The following HMGB1 variants were observed in gnomAD, a reference collection of about 807,000 sequenced individuals.
HMGB1 encodes high mobility group box 1.
For missense variants in HMGB1, 79 were observed against 253.5 expected (o/e 0.31, Z 4.67); for synonymous variants, 81 against 84.0 (o/e 0.96, Z 0.19).
chr13:30,598,988 T>A (rs892789591), intron 1 of HMGB1, among the ~76,000 whole-genome samples: 17 of 152,146 alleles, frequency 1.1e-4, no homozygotes, highest in African/African-American at 3.9e-4. Flanking sequence ...ATATATAATT[T>A]TTTTAAAGGA....
chr13:30,538,495 T>TC (rs1566018748), intron 1 of HMGB1, among the ~76,000 whole-genome samples: 1 of 44,056 alleles, frequency 2.3e-5, no homozygotes, highest in African/African-American at 5.7e-5. Flanking sequence ...TCTTTCTTTC[T>TC]TTCTTTCTTT....
chr13:30,492,959 C>T (rs1034174150), intron 1 of HMGB1, among the ~76,000 whole-genome samples: 2 of 145,346 alleles, frequency 1.4e-5, no homozygotes, highest in African/African-American at 5.1e-5. Flanking sequence ...CCACTGCACT[C>T]CAGCCTGGCC....
intron 1 of HMGB1, among the ~76,000 whole-genome samples, chr13:30,497,383 C>T (rs1887632466): frequency 1.3e-5 from 2 of 151,818 alleles, no homozygotes; most frequent in African/African-American, 2.4e-5. Context: ...CCTGCCACTA[C>T]ACCCAGCTAA....
In HMGB1 at chr13:30,500,545, T is replaced by A. The variant is rs1405573527; in HGVS notation, c.-14-36851A>T. On this transcript the variant is annotated intron_variant, in intron 1 of 4. Transcript: ENST00000405805. The stretch of plus-strand genomic sequence containing the variant: ...CTCCCTCACCTGGCTAATTTTTTTT[T>A]TTTTTTTTTTTTTTGAGACAGAGTC... Among the ~76,000 whole-genome samples, 5 of 14,448 alleles carry A rather than the reference T, an allele frequency of 3.5e-4. No homozygotes were observed. In the Non-Finnish European group the frequency reaches 8.5e-3, roughly 25 times the overall value. 9.5% of individuals were successfully genotyped at this position (14,448 alleles called of 152,430 possible).
intron 1 of HMGB1, among the ~76,000 whole-genome samples, chr13:30,611,818 T>G (rs1015425587): frequency 6.6e-6 from 1 of 151,540 alleles, no homozygotes. Context: ...TCTGTACCCT[T>G]TAAAACATCC....
At position 30,552,403 on chromosome 13, in the gene HMGB1, T is replaced by G. The variant is rs907800751; in HGVS notation, c.-15+64268A>C. Among the ~76,000 whole-genome samples, 7 of 152,322 alleles carry G rather than the reference T, an allele frequency of 4.6e-5. No homozygotes were observed. The East Asian group carries it at 7.7e-4, about 17-fold the overall frequency. ...TAATATTGAAATACTAAAATTTAAT[T>G]TGAATATAGAGTTGATGCTCATATT... is the stretch of plus-strand genomic sequence containing the variant. On this transcript the variant is annotated intron_variant, in intron 1 of 4. Coordinates refer to the HMGB1 transcript ENST00000405805.
chr13:30,468,634 A>C (rs1886854025), upstream of HMGB1, among the ~76,000 whole-genome samples: 1 of 152,098 alleles, frequency 6.6e-6, no homozygotes, highest in South Asian at 2.1e-4. Flanking sequence ...ATTTATTCCC[A>C]AGTTTAACAG....
chr13:30,505,473 C>T (rs188243337), intron 1 of HMGB1, among the ~76,000 whole-genome samples: 26 of 152,130 alleles, frequency 1.7e-4, no homozygotes, highest in Admixed American at 3.3e-4. Context: ...CCACCGCGCC[C>T]AACCATTTTT....
At chr13:30,555,095 A>G (rs1286793309) in intron 1 of HMGB1, among the ~76,000 whole-genome samples, 13 of 121,430 alleles carry the variant, frequency 1.1e-4, no homozygotes, top group East Asian at 2.7e-4. Flanking sequence ...AGGCTGGAGT[A>G]CAGTGGCGCG....
At position 30,528,128 on chromosome 13, in the gene HMGB1, C is replaced by T. The variant is rs370435904; in HGVS notation, c.-14-64434G>A. On this transcript the variant is annotated intron_variant, in intron 1 of 4. Transcript: ENST00000405805. ...GAGCAGGGAACTCGGTGTGCTGCAG[C>T]GCCAGTGACCAGGCAACCCGTCTCC... Among the ~76,000 whole-genome samples the T allele has an allele frequency of 7.2e-5, 11 of 152,214 alleles. No homozygotes were observed. The East Asian group carries it at 1.2e-3, about 16-fold the overall frequency.
At chr13:30,554,299 G>A (rs554616242) in intron 1 of HMGB1, 12 of 1,121,898 alleles carry the variant, frequency 1.1e-5, no homozygotes, top group Non-Finnish European at 1.6e-5. Context: ...CTGACCATGG[G>A]CCTGCAGTGA....
chr13:30,524,954 G>A (rs915889479), intron 1 of HMGB1, among the ~76,000 whole-genome samples: 11 of 152,120 alleles, frequency 7.2e-5, no homozygotes, highest in African/African-American at 2.7e-4. Context: ...CAACAAATAA[G>A]TATTAAACAA....
chr13:30,578,368 C>CTTTTTTTT lies in HMGB1; in HGVS notation c.-15+38295_-15+38302dup, dbSNP rs60947686. On this transcript the variant is annotated intron_variant, in intron 1 of 4. Transcript: ENST00000405805. ...TCAAGATCAGAGACCAGTTCTTGTT[C>CTTTTTTTT]TTTTTTTTTTTTTTTTTTTTTTTTT... Among the ~76,000 whole-genome samples the CTTTTTTTT allele has an allele frequency of 4.6e-3, 274 of 59,334 alleles. 17 individuals are homozygous for CTTTTTTTT. Among genetic ancestry groups the CTTTTTTTT allele is most frequent in the East Asian group, 8.9e-3 (14 of 1,578 alleles). The allele number at this position is 59,334 out of a possible 152,430, so 38.9% of individuals were successfully genotyped here.
intron 1 of HMGB1, among the ~76,000 whole-genome samples, chr13:30,592,871 TAAA>T (rs376893348): frequency 2.3e-3 from 316 of 139,224 alleles, no homozygotes; most frequent in African/African-American, 7.5e-3. Flanking sequence ...TGCTTTTTTT[TAAA>T]AAAAAAAAAA....
chr13:30,613,009 T>C (rs1310558754), intron 1 of HMGB1, among the ~76,000 whole-genome samples: 1 of 152,208 alleles, frequency 6.6e-6, no homozygotes, highest in African/African-American at 2.4e-5. Context: ...TGAGAGGATG[T>C]AGGTTTTAGT....
At chr13:30,474,814 G>T in intron 1 of HMGB1, among the ~76,000 whole-genome samples, 1 of 143,514 alleles carries the variant, frequency 7.0e-6, no homozygotes. Context: ...AAGCTGGAGT[G>T]CAATGGTGCA....
At chr13:30,538,587 T>C (rs1418897200) in intron 1 of HMGB1, among the ~76,000 whole-genome samples, 3 of 146,114 alleles carry the variant, frequency 2.1e-5, no homozygotes, top group Admixed American at 6.8e-5. Flanking sequence ...TTTCTTTCTT[T>C]TTCTTTCTTC....
intron 1 of HMGB1, among the ~76,000 whole-genome samples, chr13:30,610,099 C>T (rs1161722390): frequency 2.0e-5 from 3 of 151,796 alleles, no homozygotes; most frequent in Non-Finnish European, 4.4e-5. Context: ...TTCTTAGTAA[C>T]TTTTTTTCTC....
At chr13:30,555,067 GTC>G (rs1300300652) in intron 1 of HMGB1, among the ~76,000 whole-genome samples, 2 of 135,186 alleles carry the variant, frequency 1.5e-5, no homozygotes, top group African/African-American at 5.8e-5. Flanking sequence ...TTGAGACGGA[GTC>G]TCTGCTCTGT....
Sources: allele counts gnomAD v4.1 joint callset (sites outside exome capture counted in the v4.1 genomes callset), GRCh38; gene constraint gnomAD v4.1.1; transcripts MANE v1.5; gene names NCBI Gene and HGNC (gene_info 2026-07-23, HGNC 2026-07-21).